COP1: variants seen among roughly 807,000 people sequenced by gnomAD.
COP1 encodes COP1 E3 ubiquitin ligase.
Under a neutral mutation model 101.3 loss-of-function variants are expected in COP1, and 24 were observed. The ratio of observed to expected loss-of-function variants is 0.24; its 90% CI spans 0.17 to 0.33. The LOEUF is 0.33. Among genes scored for constraint, COP1 ranks in the 10% least tolerant of loss-of-function variants. COP1 has a pLI of 1.00. For missense variants in COP1, 663 were observed against 906.2 expected, an observed-to-expected ratio of 0.73 and a Z score of 3.45; for synonymous variants, 347 against 341.9, an observed-to-expected ratio of 1.01 and a Z score of -0.17.
At chr1:176,098,850 C>T (rs1682881874) in intron 9 of COP1, among the ~76,000 whole-genome samples, 1 of 152,156 alleles carries the variant, frequency 6.6e-6, no homozygotes, top group Non-Finnish European at 1.5e-5. Context: ...TTCCTGATGC[C>T]TAGCTTTTGG....
At position 176,028,713 on chromosome 1, in the gene COP1, ATATATATATATATAGTTT is replaced by A. The variant is rs1207533721; in HGVS notation, c.1613-1043_1613-1026del. 2.4e-4 allele frequency among the ~76,000 whole-genome samples: 32 copies of A among 132,886 alleles called. No individual in the cohort carries two copies. The East Asian group carries it at 7.0e-3, about 29-fold the overall frequency. The allele number at this position is 132,886 out of a possible 152,430, so 87.2% of individuals were successfully genotyped here. On this transcript the variant is annotated intron_variant, in intron 14 of 19. Coordinates refer to ENST00000367669, the MANE Select transcript of COP1 (RefSeq NM_022457.7). ...ATTTGTTTCATATATATATATATAT[ATATATATATATATAGTTT>A]TATATATATTATTCTTTTTATTATT...
At position 176,004,141 on chromosome 1, in the gene COP1, G is replaced by A. The variant is rs1456137768; in HGVS notation, c.1730-14662C>T. ...GTGAATGGGAGTTCACTCATGATTC[G>A]GCTCTCTGTTTGTCTGTTGTTGGTG... is the stretch of plus-strand genomic sequence containing the variant. On this transcript the variant is annotated intron_variant, in intron 15 of 19. Coordinates refer to ENST00000367669, the MANE Select transcript of COP1 (RefSeq NM_022457.7). 4.0e-5 allele frequency among the ~76,000 whole-genome samples: 6 copies of A among 151,184 alleles called. No individual in the cohort carries two copies. The East Asian group carries it at 5.8e-4, about 15-fold the overall frequency.
chr1:176,108,747 T>G (rs568063759), intron 9 of COP1, among the ~76,000 whole-genome samples: 4 of 152,140 alleles, frequency 2.6e-5, no homozygotes, highest in Non-Finnish European at 4.4e-5. Flanking sequence ...GTGAGCTGAA[T>G]GTGTGAATTT....
chr1:175,944,885 G>A lies in COP1; in HGVS notation c.*268C>T. 1 of 413,832 alleles carries A rather than the reference G, an allele frequency of 2.4e-6. No individual in the cohort carries two copies. The highest frequency in any genetic ancestry group is 4.4e-6 in the Non-Finnish European group (1 of 229,338). 25.6% of individuals were successfully genotyped at this position (413,832 alleles called of 1,614,324 possible). A position where few individuals can be genotyped will look rare whatever the true frequency, so the allele number is the denominator to read the frequency against. The stretch of plus-strand genomic sequence containing the variant: ...TATTTATTTTTATTCAAAAGAATTT[G>A]TTTCCCTATCACAAAAATTAGATAA... On this transcript the variant is annotated 3_prime_UTR_variant, in exon 20 of 20. Coordinates refer to ENST00000367669, the MANE Select transcript of COP1 (RefSeq NM_022457.7).
chr1:176,139,741 T>C (rs1051343775), intron 6 of COP1, among the ~76,000 whole-genome samples: 8 of 152,136 alleles, frequency 5.3e-5, no homozygotes, highest in Admixed American at 3.3e-4. Context: ...TTCTCACTTA[T>C]AAGTGGGAGT....
intron 18 of COP1, among the ~76,000 whole-genome samples, chr1:175,973,885 C>T (rs1376849969): frequency 6.6e-6 from 1 of 152,114 alleles, no homozygotes; most frequent in African/African-American, 2.4e-5. Context: ...ATCTACAGCA[C>T]AAAGATGAAA....
At chr1:175,963,000 T>G (rs1267221646) in intron 18 of COP1, among the ~76,000 whole-genome samples, 1 of 152,144 alleles carries the variant, frequency 6.6e-6, no homozygotes, top group Non-Finnish European at 1.5e-5. Flanking sequence ...AGGGCAAACT[T>G]AACATCTTGA....
intron 9 of COP1, among the ~76,000 whole-genome samples, chr1:176,114,932 G>A (rs1193165199): frequency 6.6e-6 from 1 of 152,104 alleles, no homozygotes; most frequent in African/African-American, 2.4e-5. Context: ...TGAAATACAT[G>A]CTGAAGTATT....
intron 11 of COP1, among the ~76,000 whole-genome samples, chr1:176,066,046 C>T (rs1488140720): frequency 6.6e-6 from 1 of 152,002 alleles, no homozygotes. Flanking sequence ...GATTTTATCA[C>T]AAGATGAGAT....
chr1:176,129,438 A>G (rs112783494), intron 8 of COP1, among the ~76,000 whole-genome samples: 7 of 151,990 alleles, frequency 4.6e-5, no homozygotes, highest in African/African-American at 1.7e-4. Context: ...CTGCATGACA[A>G]TTTTTTAAAA....
intron 11 of COP1, among the ~76,000 whole-genome samples, chr1:176,066,422 G>T (rs1675975949): frequency 6.6e-6 from 1 of 152,130 alleles, no homozygotes; most frequent in Non-Finnish European, 1.5e-5. Flanking sequence ...AAATAGTAAA[G>T]TGAACTCCTA....
At chr1:176,143,821 G>T (rs958423678) in intron 6 of COP1, among the ~76,000 whole-genome samples, 7 of 152,068 alleles carry the variant, frequency 4.6e-5, no homozygotes, top group African/African-American at 1.4e-4. Flanking sequence ...CTAAACCAAA[G>T]TAATTATTCA....
At chr1:176,088,253 T>TA (rs60951470) in intron 9 of COP1, among the ~76,000 whole-genome samples, 24 of 149,574 alleles carry the variant, frequency 1.6e-4, no homozygotes, top group African/African-American at 4.2e-4. Flanking sequence ...TAAAGTATCA[T>TA]AAAAAAAAAA....
chr1:176,064,186 A>G (rs1675492155), intron 11 of COP1, among the ~76,000 whole-genome samples: 1 of 152,194 alleles, frequency 6.6e-6, no homozygotes, highest in African/African-American at 2.4e-5. Context: ...CTCAATCAAA[A>G]TGACCTTCCT....
chr1:176,200,501 A>G (rs1368023537), intron 1 of COP1, among the ~76,000 whole-genome samples: 1 of 152,198 alleles, frequency 6.6e-6, no homozygotes, highest in African/African-American at 2.4e-5. Flanking sequence ...GAATTTGGGG[A>G]AAAAATGTAC....
chr1:175,954,871 A>T (rs1480404037), intron 18 of COP1, among the ~76,000 whole-genome samples: 1 of 152,212 alleles, frequency 6.6e-6, no homozygotes, highest in South Asian at 2.1e-4. Context: ...AAAAAGAATA[A>T]TGCATCATGT....
At chr1:176,202,185 CTTTTTTTTTT>C (rs11367274) in intron 1 of COP1, among the ~76,000 whole-genome samples, 2 of 96,390 alleles carry the variant, frequency 2.1e-5, no homozygotes, top group South Asian at 6.8e-4. Context: ...TTCTAGTTCA[CTTTTTTTTTT>C]TTTTTTTTTT....
chr1:176,094,469 T>G (rs1287608829), intron 9 of COP1, among the ~76,000 whole-genome samples: 1 of 151,878 alleles, frequency 6.6e-6, no homozygotes, highest in East Asian at 1.9e-4. Flanking sequence ...AGGCCAATCT[T>G]CAAATAAAAC....
At chr1:175,993,762 G>A (rs371577511) in intron 15 of COP1, among the ~76,000 whole-genome samples, 13 of 152,284 alleles carry the variant, frequency 8.5e-5, no homozygotes, top group Admixed American at 3.3e-4. Flanking sequence ...CCAAATCTAC[G>A]TCTGATTGGT....
Sources: gnomAD v4.1 joint callset for allele counts (sites outside exome capture counted in the v4.1 genomes callset) on GRCh38, gnomAD v4.1.1 for gene constraint, MANE v1.5 for transcripts, NCBI Gene and HGNC (gene_info 2026-07-23, HGNC 2026-07-21) for gene names.